The following PPIE variants were observed in gnomAD, a reference collection of about 807,000 sequenced individuals.
PPIE encodes the protein peptidylprolyl isomerase E.
Under a neutral mutation model 38.4 loss-of-function variants are expected in PPIE, and 20 were observed. The observed-to-expected ratio is 0.52, with a 90% confidence interval of 0.37 to 0.76. The LOEUF (loss-of-function observed/expected upper bound fraction) is 0.76. Among genes scored for constraint, PPIE ranks in the 30% least tolerant of loss-of-function variants. The pLI is 0.00. For missense variants in PPIE, 322 were observed against 385.8 expected (o/e 0.83, Z 1.39); for synonymous variants, 142 against 135.7 (o/e 1.05, Z -0.32).
chr1:39,753,023 G>A lies in PPIE; in HGVS notation c.808G>A (p.Glu270Lys), dbSNP rs72665281. ...GCATGTGGTGTTTGGAGAGGTCACC[G>A]AAGGCCTAGATGTCTTGCGGCAAAT... Reference protein sequence around the residue: ...GKHVVFGEVTEGLDVLRQIEA... With the variant: ...GKHVVFGEVTKGLDVLRQIEA... The change falls in exon 9 of 10, where the codon GAA (glutamate) becomes AAA (lysine). Residue 270 changes from glutamate (E) to lysine (K), a missense_variant. Physicochemically the swap from Glu to Lys is moderately conservative, Grantham distance 56 (BLOSUM62 1). Transcript: ENST00000324379. 82 of 1,614,224 alleles carry A rather than the reference G, an allele frequency of 5.1e-5. No individual in the cohort carries two copies. Among genetic ancestry groups the A allele is most frequent in the Middle Eastern group, 4.9e-4 (3 of 6,062 alleles).
At chr1:39,747,822 C>A (rs918892934) in intron 7 of PPIE, 2 of 152,204 alleles carry the variant, frequency 1.3e-5, no homozygotes, top group East Asian at 3.9e-4. Flanking sequence ...TATTTTTATT[C>A]CCTACTGACT....
intron 2 of PPIE, 43 bp downstream of exon 2, chr1:39,740,306 A>C: frequency 6.7e-7 from 1 of 1,492,314 alleles, no homozygotes; most frequent in Non-Finnish European, 9.3e-7. Context: ...TTACTAGGAA[A>C]ATACCTTAAA....
At chr1:39,762,063 G>A (rs894236851) in intron 9 of PPIE, among the ~76,000 whole-genome samples, 3 of 152,190 alleles carry the variant, frequency 2.0e-5, no homozygotes, top group South Asian at 2.1e-4. Context: ...GGGCTGGGCC[G>A]CCCCACGCGT....
chr1:39,763,140 T>C (rs143427528), intron 9 of PPIE: 61 of 1,613,800 alleles, frequency 3.8e-5, no homozygotes, highest in African/African-American at 2.9e-4. Flanking sequence ...AGGAGTCCAG[T>C]GGGAAGGAGC....
At chr1:39,741,259 C>T (rs1647050205) in intron 2 of PPIE, 107 bp from the exon 3 acceptor site, 5 of 894,056 alleles carry the variant, frequency 5.6e-6, no homozygotes, top group Non-Finnish European at 5.6e-6. Flanking sequence ...TTGGATAGAA[C>T]TTCTGGTGTT....
At chr1:39,745,353 T>C (rs780298821) in intron 6 of PPIE, 22 bp from the exon 7 acceptor site, 25 of 1,613,806 alleles carry the variant, frequency 1.5e-5, no homozygotes, top group Admixed American at 3.3e-5. Flanking sequence ...TCTCTCTAAC[T>C]AGCAATTTCT....
intron 6 of PPIE, among the ~76,000 whole-genome samples, chr1:39,744,387 C>T (rs1647141355): frequency 6.6e-6 from 1 of 152,196 alleles, no homozygotes; most frequent in Non-Finnish European, 1.5e-5. Context: ...CCTACGGGAA[C>T]CTGCTGGGGC....
intron 7 of PPIE, 153 bp downstream of exon 7, chr1:39,745,651 T>A: frequency 8.0e-7 from 1 of 1,253,890 alleles, no homozygotes; most frequent in Non-Finnish European, 1.1e-6. Flanking sequence ...TAGTAACAGA[T>A]AAGTCAGAGC....
intron 7 of PPIE, chr1:39,745,841 G>A (rs1235390021): frequency 1.1e-5 from 2 of 186,770 alleles, no homozygotes; most frequent in Non-Finnish European, 2.2e-5. Flanking sequence ...AATTCTAGAA[G>A]TAACTAGTGC....
chr1:39,762,857 T>C (rs955968304), intron 9 of PPIE, among the ~76,000 whole-genome samples: 7 of 152,238 alleles, frequency 4.6e-5, no homozygotes, highest in Admixed American at 2.6e-4. Flanking sequence ...AACAGGCATG[T>C]GTACACGACT....
At chr1:39,742,490 C>CTTTTTTTTTTT (rs5773671) in intron 4 of PPIE, 2 of 107,290 alleles carry the variant, frequency 1.9e-5, no homozygotes, top group African/African-American at 3.7e-5. Flanking sequence ...TTCTTTCTTT[C>CTTTTTTTTTTT]TTTTTTTTTT....
chr1:39,746,960 C>T (rs1044251666), intron 7 of PPIE: 7 of 152,166 alleles, frequency 4.6e-5, no homozygotes, highest in Admixed American at 1.3e-4. Context: ...AATAATAACT[C>T]CCCATTTTCT....
At chr1:39,762,226 T>C (rs1649092817) in intron 9 of PPIE, 3 of 302,652 alleles carry the variant, frequency 9.9e-6, no homozygotes, top group Admixed American at 9.8e-5. Flanking sequence ...CACGTGTGTG[T>C]GTGTGTGTTT....
rs1569713314 is a variant in PPIE, at chr1:39,753,554, A to G, written c.*199A>G. 1 of 1,396,554 alleles carries G rather than the reference A, an allele frequency of 7.2e-7. No homozygotes were observed. Among genetic ancestry groups the G allele is most frequent in the East Asian group, 2.7e-5 (1 of 37,010 alleles). 86.5% of individuals were successfully genotyped at this position (1,396,554 alleles called of 1,614,324 possible). On this transcript the variant is annotated 3_prime_UTR_variant, in exon 10 of 10. Coordinates refer to ENST00000324379, the MANE Select transcript of PPIE (RefSeq NM_006112.4). ...TATTCCCAGGCACAGCTGTGGGCCCAGGAGCCAGCTCAGGTGCTCCCCTCC... is the reference window on the plus strand; with the variant it reads ...TATTCCCAGGCACAGCTGTGGGCCCGGGAGCCAGCTCAGGTGCTCCCCTCC...
At chr1:39,741,571 C>G in intron 3 of PPIE, 162 bp downstream of exon 3, 1 of 745,422 alleles carries the variant, frequency 1.3e-6, no homozygotes, top group East Asian at 2.6e-5. Flanking sequence ...CTCACATAAT[C>G]AGACTGGACT....
intron 7 of PPIE, chr1:39,746,676 C>T (rs1647215347): frequency 6.6e-6 from 1 of 152,248 alleles, no homozygotes; most frequent in Non-Finnish European, 1.5e-5. Flanking sequence ...GGATTACCTG[C>T]ACCCTTTCCT....
At chr1:39,758,092 C>T (rs1168671091), downstream of PPIE, 3 of 152,182 alleles carry the variant, frequency 2.0e-5, no homozygotes, top group Admixed American at 6.5e-5. Flanking sequence ...AGATCATTGG[C>T]TGGGCACTAA....
At chr1:39,761,633 A>G (rs1004999581), downstream of PPIE, among the ~76,000 whole-genome samples, 2 of 151,580 alleles carry the variant, frequency 1.3e-5, no homozygotes, top group African/African-American at 4.9e-5. Context: ...CACTCACTGC[A>G]CCCAGCCCCT....
intron 6 of PPIE, among the ~76,000 whole-genome samples, 199 bp from the exon 7 acceptor site, chr1:39,745,176 C>T (rs1302806931): frequency 6.6e-6 from 1 of 152,236 alleles, no homozygotes; most frequent in Admixed American, 6.5e-5. Context: ...CTGAGACCTC[C>T]TGTCGCTGGG....
Sources: gnomAD v4.1 joint callset for allele counts (sites outside exome capture counted in the v4.1 genomes callset) on GRCh38, gnomAD v4.1.1 for gene constraint, MANE v1.5 for transcripts, NCBI Gene and HGNC (gene_info 2026-07-23, HGNC 2026-07-21) for gene names.